The following MAGEC3 variants were observed in gnomAD, a reference collection of about 807,000 sequenced individuals.
MAGEC3 encodes MAGE family member C3, also known as melanoma-associated antigen C3.
A neutral mutation model predicts 35.3 loss-of-function variants in MAGEC3; 34 were observed. The ratio of observed to expected loss-of-function variants is 0.96; its 90% CI spans 0.73 to 1.28. MAGEC3 has a LOEUF of 1.28. MAGEC3 is among the 50% of genes most tolerant of loss of function. The probability of loss-of-function intolerance (pLI) is 0.00; values close to 1 mark genes in which losing one functional copy is unlikely to be tolerated. For missense variants in MAGEC3, 561 were observed against 483.6 expected, an observed-to-expected ratio of 1.16 and a Z score of -1.50; for synonymous variants, 202 against 185.6, an observed-to-expected ratio of 1.09 and a Z score of -0.72.
intron 2 of MAGEC3, among the ~76,000 whole-genome samples, chrX:141,871,931 G>A (rs12833353): frequency 0.46 from 49,710 of 107,066 alleles, 8,736 homozygotes; most frequent in Middle Eastern, 0.55. Context: ...GGGTTCACAC[G>A]GGCAATGAGC....
Position 141,881,539 on chromosome X carries a change from T to C in MAGEC3, c.652T>C (p.Tyr218His), listed in dbSNP as rs1163815714. Residue 218 changes from tyrosine to histidine, a missense_variant, in exon 4 of 8, where the codon TAC becomes CAC. Transcript: ENST00000298296. ...GATGCAGATGAATGTCATCAACACATACACGGGCTACTTTCCTATGATCTT... is the reference window on the plus strand; with the variant it reads ...GATGCAGATGAATGTCATCAACACACACACGGGCTACTTTCCTATGATCTT... Reference protein sequence around the residue: ...AEMQMNVINTYTGYFPMIFRK... With the variant: ...AEMQMNVINTHTGYFPMIFRK... The C allele has an allele frequency of 8.3e-7, 1 of 1,209,737 alleles. No individual in the cohort carries two copies. The highest frequency in any genetic ancestry group is 1.1e-6 in the Non-Finnish European group (1 of 895,096).
At chrX:141,871,601 T>A (rs1473900901) in intron 2 of MAGEC3, among the ~76,000 whole-genome samples, 1 of 111,844 alleles carries the variant, frequency 8.9e-6, no homozygotes, top group Non-Finnish European at 1.9e-5. Flanking sequence ...CACTCTTTTT[T>A]AACAGGCGGA....
intron 2 of MAGEC3, among the ~76,000 whole-genome samples, chrX:141,871,832 G>T (rs1449819575): frequency 9.1e-6 from 1 of 109,562 alleles, no homozygotes; most frequent in African/African-American, 3.3e-5. Context: ...ACTGGCTGGA[G>T]TAGTTTTTGA....
rs1197550110 is a variant in MAGEC3, at chrX:141,867,282, T to C, written c.258+1677T>C. On this transcript the variant is annotated intron_variant, in intron 2 of 7. Transcript: ENST00000298296. The stretch of plus-strand genomic sequence containing the variant: ...TAAAGACAGATTTATTAACTTCACC[T>C]TCATACAGTGGGCCCCAGTAAAACA... Among the ~76,000 whole-genome samples the C allele has an allele frequency of 2.7e-5, 3 of 112,061 alleles. No homozygotes were observed. In the East Asian group the frequency reaches 8.4e-4, roughly 32 times the overall value.
chrX:141,855,059 A>T (rs768897414), intron 1 of MAGEC3, among the ~76,000 whole-genome samples: 1 of 111,501 alleles, frequency 9.0e-6, no homozygotes, highest in East Asian at 2.9e-4. Context: ...GAACATCTAG[A>T]TTTTGAGAGT....
intron 1 of MAGEC3, among the ~76,000 whole-genome samples, chrX:141,844,825 A>G (rs895616490): frequency 9.0e-6 from 1 of 111,188 alleles, no homozygotes; most frequent in Admixed American, 9.6e-5. Context: ...TACCAAACAT[A>G]TGATTCAGCC....
At chrX:141,891,811 C>T (rs2018045291) in intron 4 of MAGEC3, among the ~76,000 whole-genome samples, 1 of 107,515 alleles carries the variant, frequency 9.3e-6, no homozygotes, top group Non-Finnish European at 1.9e-5. Context: ...CTTGCCTTTG[C>T]CACTCTGATA....
intron 1 of MAGEC3, 65 bp from the exon 2 acceptor site, chrX:141,865,406 A>C: frequency 9.3e-7 from 1 of 1,077,434 alleles, no homozygotes; most frequent in Non-Finnish European, 1.2e-6. Flanking sequence ...AGAATAGAGT[A>C]GATCTTCCAT....
At position 141,867,938 on chromosome X, in the gene MAGEC3, C is replaced by T. The variant is rs772990264; in HGVS notation, c.258+2333C>T. On this transcript the variant is annotated intron_variant, in intron 2 of 7. Coordinates refer to ENST00000298296, the MANE Select transcript of MAGEC3 (RefSeq NM_138702.1). ...GAGATCCAGACCATCCTGGCTAACACGGTGAAACCAAATCTCTACTAAAAA... is the reference window on the plus strand; with the variant it reads ...GAGATCCAGACCATCCTGGCTAACATGGTGAAACCAAATCTCTACTAAAAA... Among the ~76,000 whole-genome samples, 721 of 111,383 alleles carry T rather than the reference C, an allele frequency of 6.5e-3. 2 individuals are homozygous for T. Among genetic ancestry groups the T allele is most frequent in the African/African-American group, 0.021 (653 of 30,618 alleles).
chrX:141,840,473 T>G (rs1244975350), intron 1 of MAGEC3, among the ~76,000 whole-genome samples: 3 of 112,110 alleles, frequency 2.7e-5, no homozygotes, highest in Non-Finnish European at 3.8e-5. Context: ...AAACATATAA[T>G]TACATATTAT....
chrX:141,859,062 T>C (rs2017799088), intron 1 of MAGEC3, among the ~76,000 whole-genome samples: 1 of 93,026 alleles, frequency 1.1e-5, no homozygotes, highest in African/African-American at 4.1e-5. Context: ...GAATGACCAT[T>C]CGCTTTGTTT....
chrX:141,867,582 G>A (rs143307163), intron 2 of MAGEC3, among the ~76,000 whole-genome samples: 2,515 of 111,611 alleles, frequency 0.023, 21 homozygotes, highest in Middle Eastern at 0.042. Flanking sequence ...AACCCCTCTC[G>A]GGTGTATTTT....
rs180961288 is a variant in MAGEC3, at chrX:141,869,284, G to T, written c.258+3679G>T. Among the ~76,000 whole-genome samples the T allele has an allele frequency of 2.0e-3, 227 of 111,558 alleles. 1 individual carries two copies. Among genetic ancestry groups the T allele is most frequent in the Non-Finnish European group, 3.1e-3 (166 of 53,141 alleles). ...TGTGTTCTGTTACAAAAGAAAACAG[G>T]TTCTTATTGTGCTTATGCAAACAAC... On this transcript the variant is annotated intron_variant, in intron 2 of 7. Coordinates refer to ENST00000298296, the MANE Select transcript of MAGEC3 (RefSeq NM_138702.1).
At chrX:141,873,984 A>G (rs187862071) in intron 2 of MAGEC3, among the ~76,000 whole-genome samples, 71 of 112,474 alleles carry the variant, frequency 6.3e-4, no homozygotes, top group Middle Eastern at 4.6e-3. Flanking sequence ...AGTTACGATA[A>G]TTAAGACAGT....
At chrX:141,844,003 C>A (rs1446545232) in intron 1 of MAGEC3, among the ~76,000 whole-genome samples, 1 of 110,304 alleles carries the variant, frequency 9.1e-6, no homozygotes, top group African/African-American at 3.3e-5. Context: ...ATGTTAATAT[C>A]CCTCAACAAT....
chrX:141,887,223 C>G (rs2018009137), intron 4 of MAGEC3, among the ~76,000 whole-genome samples: 1 of 112,610 alleles, frequency 8.9e-6, no homozygotes. Context: ...CCTTTACCGT[C>G]ATACCTCAGG....
intron 1 of MAGEC3, among the ~76,000 whole-genome samples, chrX:141,848,708 C>T (rs1482477823): frequency 9.0e-6 from 1 of 110,875 alleles, no homozygotes; most frequent in East Asian, 2.9e-4. Flanking sequence ...CTGCCCAAAG[C>T]GATTTATAGA....
chrX:141,839,824 G>A (rs2017675627), intron 1 of MAGEC3: 1 of 566,322 alleles, frequency 1.8e-6, no homozygotes, highest in Non-Finnish European at 2.1e-6. Context: ...AATATTGTTG[G>A]TTGTCATAAT....
chrX:141,881,387 C>G lies in MAGEC3; in HGVS notation c.516-16C>G, dbSNP rs376470356. 3.4e-6 allele frequency: 4 copies of G among 1,178,834 alleles called. No individual in the cohort carries two copies. Among genetic ancestry groups the G allele is most frequent in the Non-Finnish European group, 4.5e-6 (4 of 881,907 alleles). On this transcript the variant is annotated splice_polypyrimidine_tract_variant and intron_variant, in intron 3 of 7. Transcript: ENST00000298296. ...CCTAGCAGCCAATAAGATGAAGATA[C>G]AAGTACCTGGCACAGCTTGCCAGAG...
Sources: gnomAD v4.1 joint callset for allele counts (sites outside exome capture counted in the v4.1 genomes callset) on GRCh38, gnomAD v4.1.1 for gene constraint, MANE v1.5 for transcripts, NCBI Gene and HGNC (gene_info 2026-07-23, HGNC 2026-07-21) for gene names.